Variants in ACAA1 observed in about 807,000 individuals in gnomAD.
ACAA1 encodes the protein acetyl-CoA acyltransferase 1.
Under a neutral mutation model 48.8 loss-of-function variants are expected in ACAA1, and 44 were observed. The observed-to-expected ratio is 0.90, with a 90% CI of 0.71 to 1.16. ACAA1 has a LOEUF of 1.16. Ranked by LOEUF, ACAA1 falls within the 50% of genes most tolerant of loss-of-function variation. The pLI, the probability that ACAA1 is intolerant of heterozygous loss-of-function variation, is 0.00. For synonymous variants in ACAA1, 233 were observed against 226.5 expected, an observed-to-expected ratio of 1.03 and a Z score of -0.26; for missense variants, 512 against 562.3, an observed-to-expected ratio of 0.91 and a Z score of 0.90.
chr3:38,137,059 A>AG lies in ACAA1; in HGVS notation c.-25dup. On this transcript the variant is annotated 5_prime_UTR_variant, in exon 1 of 12. It removes the in-frame stop codon of an upstream open reading frame in the 5' UTR. Transcript: ENST00000333167. ...ATTGCGCAGGTCAACCCTGCAGACC[A>AG]GCCACCAGTCCGGGAACTGACCGCG... The AG allele has an allele frequency of 6.6e-7, 1 of 1,526,232 alleles. No homozygotes were observed. 94.5% of individuals were successfully genotyped at this position (1,526,232 alleles called of 1,614,324 possible).
rs1430142872 is a variant in ACAA1 at position 38,126,049 on chromosome 3, C to T, written c.997+113G>A. On this transcript the variant is annotated intron_variant, in intron 9 of 11. Coordinates refer to ENST00000333167, the MANE Select transcript of ACAA1 (RefSeq NM_001607.4). The surrounding 1 kb of genome is among the most constrained non-coding windows in gnomAD (Gnocchi z 4.7). ...TTGAAGTATGGGACACTAGCCTGCC[C>T]CACCTCCACTCTGCAGCACCCACAG... 6.9e-7 allele frequency: 1 copy of T among 1,455,212 alleles called. No homozygotes were observed. The highest frequency in any genetic ancestry group is 1.4e-5 in the African/African-American group (1 of 71,550). 90.1% of individuals were successfully genotyped at this position (1,455,212 alleles called of 1,614,324 possible). A position where few individuals can be genotyped will look rare whatever the true frequency, so the allele number is the denominator to read the frequency against.
rs147670996 is a variant in ACAA1 at position 38,136,632 on chromosome 3, G to C, written c.225C>G (p.Asp75Glu). ...LSAVMTAVLKDVNLRPEQLGD... is the reference protein window; with the variant it reads ...LSAVMTAVLKEVNLRPEQLGD... Reference sequence around the variant, plus strand: ...CCAGCTGTTCCGGCCTCAGATTCACGTCCTTGAGAACCGCGGTCATGACTG... The same window carrying C: ...CCAGCTGTTCCGGCCTCAGATTCACCTCCTTGAGAACCGCGGTCATGACTG... The change falls in exon 2 of 12, where the codon GAC becomes GAG. Residue 75 changes from aspartate (D) to glutamate (E), a missense_variant. By Grantham distance (45) the Asp-to-Glu change is conservative. Transcript: ENST00000333167. The C allele has an allele frequency of 2.6e-4, 417 of 1,613,996 alleles. 1 individual carries two copies. In the African/African-American group the frequency reaches 3.0e-3, roughly 11 times the overall value.
chr3:38,134,819 G>A (rs1424372458), intron 2 of ACAA1, among the ~76,000 whole-genome samples: 1 of 152,194 alleles, frequency 6.6e-6, no homozygotes, highest in African/African-American at 2.4e-5. Context: ...TTTGTCCAAG[G>A]TTTCCCCCCA....
In ACAA1 at chr3:38,125,838, G is replaced by A. The variant is rs756188064; in HGVS notation, c.1041C>T (p.Ala347=). The A allele has an allele frequency of 2.5e-6, 4 of 1,614,156 alleles. No homozygotes were observed. Among genetic ancestry groups the A allele is most frequent in the Non-Finnish European group, 3.4e-6 (4 of 1,180,024 alleles). Reference sequence around the variant, plus strand: ...AACAAGGGCTCACCTGGCTTGCAAAGGCCTCATTGATCTCGAAGATGTCCA... The same window carrying A: ...AACAAGGGCTCACCTGGCTTGCAAAAGCCTCATTGATCTCGAAGATGTCCA... ...SDVDIFEINE[A]FASQAAYCVE... is the part of the protein sequence containing the mutation. The change falls in exon 10 of 12, where the codon GCC becomes GCT. Residue 347 remains alanine (A), a synonymous_variant. Coordinates refer to ENST00000333167, the MANE Select transcript of ACAA1 (RefSeq NM_001607.4).
At chr3:38,132,730 C>T (rs563891482) in intron 3 of ACAA1, among the ~76,000 whole-genome samples, 19 of 152,288 alleles carry the variant, frequency 1.2e-4, no homozygotes, top group African/African-American at 3.4e-4. Context: ...GTGGAAGCAT[C>T]CTGGTGATTC....
Position 38,136,587 on chromosome 3 carries a change from C to T in ACAA1, c.265+5G>A. 1 of 1,613,912 alleles carries T rather than the reference C, an allele frequency of 6.2e-7. No individual in the cohort carries two copies. Among genetic ancestry groups the T allele is most frequent in the Non-Finnish European group, 8.5e-7 (1 of 1,179,970 alleles). ...CCCAGCGCAGGGCCTGAGTGGTTCG[C>T]TCACCGACACAGATGTCCCCCAGCT... On this transcript the variant is annotated splice_donor_5th_base_variant and intron_variant, in intron 2 of 11. Coordinates refer to ENST00000333167, the MANE Select transcript of ACAA1 (RefSeq NM_001607.4).
At chr3:38,133,753 C>G (rs1700833405) in intron 3 of ACAA1, 199 bp downstream of exon 3, 2 of 601,238 alleles carry the variant, frequency 3.3e-6, no homozygotes, top group Admixed American at 6.2e-5. Context: ...GCTCCAGTCC[C>G]AAAGGTTTTG....
At chr3:38,125,121 T>C (rs1700648146) in intron 11 of ACAA1, 1 of 153,654 alleles carries the variant, frequency 6.5e-6, no homozygotes, top group Non-Finnish European at 1.4e-5. Flanking sequence ...GGTTGCATCA[T>C]ATTAGTTACA....
At chr3:38,127,589 A>G (rs1700704208) in intron 7 of ACAA1, 197 bp downstream of exon 7, 3 of 614,334 alleles carry the variant, frequency 4.9e-6, no homozygotes, top group Non-Finnish European at 8.8e-6. Context: ...AACAGACAGT[A>G]ATAGAACCTG....
At chr3:38,130,901 C>A (rs1700773566) in intron 5 of ACAA1, among the ~76,000 whole-genome samples, 1 of 152,206 alleles carries the variant, frequency 6.6e-6, no homozygotes, top group Admixed American at 6.5e-5. Context: ...ATGTCAGAAC[C>A]CTGGGGCTGC....
Position 38,129,393 on chromosome 3 carries a change from G to A in ACAA1, c.447-5C>T, listed in dbSNP as rs113162331. On this transcript the variant is annotated splice_region_variant and splice_polypyrimidine_tract_variant and intron_variant, in intron 5 of 11. Transcript: ENST00000333167. This position sits in a 1 kb window ranked among gnomAD's most constrained non-coding sequence, Gnocchi z 5.3. ...GCCAGGGACATGGACTCCACCCTGG[G>A]GAGGAGGAAGAGGAGGAGAAGGTAA... 1 of 1,609,906 alleles carries A rather than the reference G, an allele frequency of 6.2e-7. No homozygotes were observed. The highest frequency in any genetic ancestry group is 8.5e-7 in the Non-Finnish European group (1 of 1,176,262).
chr3:38,125,686 G>A lies in ACAA1; in HGVS notation c.1078C>T (p.Arg360Ter), dbSNP rs755191918. The A allele has an allele frequency of 8.1e-6, 13 of 1,601,104 alleles. No homozygotes were observed. The highest frequency in any genetic ancestry group is 4.5e-5 in the South Asian group (4 of 89,034). The change falls in exon 11 of 12, where the codon CGA becomes TGA. Residue 360 changes from arginine to a stop codon, truncating the protein, a stop_gained. Transcript: ENST00000333167. LOFTEE classifies it high-confidence loss of function. The part of the protein sequence containing the change: ...SQAAYCVEKL[R>*]LPPEKVNPLG... The stretch of plus-strand genomic sequence containing the variant: ...GGGTTCACCTTCTCAGGGGGGAGTC[G>A]TAGCTTCTCCACACAGTAGGCAGCC...
rs367927848 is a variant in ACAA1, at chr3:38,126,134, C to G, written c.997+28G>C. The G allele has an allele frequency of 6.2e-7, 1 of 1,606,470 alleles. No homozygotes were observed. The highest frequency in any genetic ancestry group is 8.5e-7 in the Non-Finnish European group (1 of 1,175,734). ...GCAGCTGCAGGATCCAGGTGGGACC[C>G]AGATACTATATGAAGGAGCCACCTT... On this transcript the variant is annotated intron_variant, in intron 9 of 11. Transcript: ENST00000333167. The surrounding 1 kb of genome is among the most constrained non-coding windows in gnomAD (Gnocchi z 4.7).
In ACAA1 at chr3:38,125,648, T is replaced by A; in HGVS notation, c.1116A>T (p.Ala372=). ...AGCCCAGTGGGTGCCCTAAGGCCAC[T>A]GCACCCCCCAGGGGGTTCACCTTCT... ...PPEKVNPLGG[A]VALGHPLGCT... is the part of the protein sequence containing the mutation. Residue 372 remains alanine (A), a synonymous_variant, in exon 11 of 12, where the codon GCA becomes GCT. Transcript: ENST00000333167. 6.3e-7 allele frequency: 1 copy of A among 1,599,290 alleles called. No individual in the cohort carries two copies. The highest frequency in any genetic ancestry group is 8.5e-7 in the Non-Finnish European group (1 of 1,171,736).
chr3:38,128,027 T>C (rs1700713392), intron 6 of ACAA1, among the ~76,000 whole-genome samples, 161 bp from the exon 7 acceptor site: 1 of 152,102 alleles, frequency 6.6e-6, no homozygotes, highest in Non-Finnish European at 1.5e-5. Context: ...ACTCAGGATA[T>C]GGTACAGCCT....
At chr3:38,127,381 C>G (rs1402015289) in intron 7 of ACAA1, among the ~76,000 whole-genome samples, 1 of 152,152 alleles carries the variant, frequency 6.6e-6, no homozygotes, top group Admixed American at 6.5e-5. Flanking sequence ...CCTGCCTGAG[C>G]CCCTGGGGTT....
At position 38,129,666 on chromosome 3, in the gene ACAA1, C is replaced by A. The variant is rs1265408500; in HGVS notation, c.447-278G>T. On this transcript the variant is annotated intron_variant, in intron 5 of 11. Coordinates refer to ENST00000333167, the MANE Select transcript of ACAA1 (RefSeq NM_001607.4). This position sits in a 1 kb window ranked among gnomAD's most constrained non-coding sequence, Gnocchi z 5.3. Reference sequence around the variant, plus strand: ...CTTCCCTATACACTGCTAAATCAGCCAACTGGCAATTCCAGAGAAAAGCCT... The same window carrying A: ...CTTCCCTATACACTGCTAAATCAGCAAACTGGCAATTCCAGAGAAAAGCCT... Among the ~76,000 whole-genome samples the A allele has an allele frequency of 6.6e-6, 1 of 152,230 alleles. No homozygotes were observed. The highest frequency in any genetic ancestry group is 1.5e-5 in the Non-Finnish European group (1 of 68,034).
At chr3:38,134,492 A>G (rs1247317852) in intron 2 of ACAA1, 1 of 457,772 alleles carries the variant, frequency 2.2e-6, no homozygotes, top group East Asian at 6.9e-5. Context: ...TGGGGAAAAG[A>G]AAGATCAGAT....
In ACAA1 at chr3:38,126,020, G is replaced by C. The variant is rs1419926065; in HGVS notation, c.998-139C>G. On this transcript the variant is annotated intron_variant, in intron 9 of 11. Transcript: ENST00000333167. The surrounding 1 kb of genome is among the most constrained non-coding windows in gnomAD (Gnocchi z 4.7). ...CCAATCCCAGCTGTGGGGTCAGGAA[G>C]GGCTTGAAGTATGGGACACTAGCCT... The C allele has an allele frequency of 6.1e-6, 9 of 1,474,402 alleles. No homozygotes were observed. Among genetic ancestry groups the C allele is most frequent in the Non-Finnish European group, 8.4e-6 (9 of 1,070,412 alleles). 91.3% of individuals were successfully genotyped at this position (1,474,402 alleles called of 1,614,324 possible). A position where few individuals can be genotyped will look rare whatever the true frequency, so the allele number is the denominator to read the frequency against.
Sources: allele counts gnomAD v4.1 joint callset (sites outside exome capture counted in the v4.1 genomes callset), GRCh38; gene constraint gnomAD v4.1.1; non-coding constraint Gnocchi (gnomAD v3.1); transcripts MANE v1.5; gene names NCBI Gene and HGNC (gene_info 2026-07-23, HGNC 2026-07-21).